NRG3: variants seen among roughly 807,000 people sequenced by gnomAD.
NRG3 encodes pro-neuregulin-3, membrane-bound isoform.
A neutral mutation model predicts 66.9 loss-of-function variants in NRG3; 31 were observed. The observed-to-expected ratio is 0.46, with a 90% confidence interval of 0.35 to 0.63. The LOEUF (loss-of-function observed/expected upper bound fraction) is 0.63. Among genes scored for constraint, NRG3 ranks in the 20% least tolerant of loss-of-function variants. NRG3 has a pLI of 0.00. For synonymous variants in NRG3, 393 were observed against 359.4 expected, an observed-to-expected ratio of 1.09 and a Z score of -1.06; for missense variants, 910 against 878.9, an observed-to-expected ratio of 1.04 and a Z score of -0.45.
At chr10:82,678,696 T>C (rs1385234508) in intron 2 of NRG3, among the ~76,000 whole-genome samples, 2 of 152,084 alleles carry the variant, frequency 1.3e-5, no homozygotes, top group Non-Finnish European at 2.9e-5. Flanking sequence ...CCTCTCCTGC[T>C]TTCCTCACGC....
intron 2 of NRG3, among the ~76,000 whole-genome samples, chr10:82,626,909 C>A (rs1029953291): frequency 6.6e-6 from 1 of 152,020 alleles, no homozygotes; most frequent in African/African-American, 2.4e-5. Flanking sequence ...GTAATATTTT[C>A]CTCCTGCTCA....
chr10:82,186,051 G>A (rs975867387), intron 1 of NRG3, among the ~76,000 whole-genome samples: 1 of 152,116 alleles, frequency 6.6e-6, no homozygotes, highest in African/African-American at 2.4e-5. Flanking sequence ...ATCATTTCAT[G>A]TCTAAGTGTC....
intron 1 of NRG3, among the ~76,000 whole-genome samples, chr10:82,281,124 G>A (rs1220842634): frequency 1.3e-5 from 2 of 152,154 alleles, no homozygotes; most frequent in East Asian, 3.9e-4. Context: ...AAGACTTGGA[G>A]TGACATGCTG....
intron 3 of NRG3, among the ~76,000 whole-genome samples, chr10:82,831,236 A>G (rs2062503867): frequency 6.6e-6 from 1 of 152,162 alleles, no homozygotes; most frequent in Admixed American, 6.5e-5. Flanking sequence ...GGTCTCCCTC[A>G]GCAGCCCTGA....
intron 1 of NRG3, among the ~76,000 whole-genome samples, chr10:81,995,504 G>C (rs554597074): frequency 5.3e-5 from 8 of 152,264 alleles, no homozygotes; most frequent in African/African-American, 1.9e-4. Flanking sequence ...GCTGGCTGTG[G>C]CTGTCTATTC....
At chr10:82,519,760 G>A (rs1415430713) in intron 2 of NRG3, among the ~76,000 whole-genome samples, 1 of 152,178 alleles carries the variant, frequency 6.6e-6, no homozygotes, top group Non-Finnish European at 1.5e-5. Context: ...ATGCTGGAGT[G>A]TCAGGTCCAT....
intron 7 of NRG3, among the ~76,000 whole-genome samples, chr10:82,977,441 TCTA>T (rs1000311583): frequency 2.0e-5 from 3 of 151,944 alleles, no homozygotes; most frequent in Admixed American, 6.6e-5. Context: ...AAACCTCATC[TCTA>T]CTAAAAATAC....
chr10:82,611,446 G>A (rs1227958012), intron 2 of NRG3, among the ~76,000 whole-genome samples: 1 of 151,940 alleles, frequency 6.6e-6, no homozygotes, highest in Non-Finnish European at 1.5e-5. Context: ...AGGCCCTGGT[G>A]TGTGATGTTC....
intron 2 of NRG3, among the ~76,000 whole-genome samples, chr10:82,569,991 TA>T (rs1169485238): frequency 6.6e-6 from 1 of 151,670 alleles, no homozygotes; most frequent in African/African-American, 2.4e-5. Flanking sequence ...TTTTAAGTGT[TA>T]AAATCTAGGT....
At chr10:82,782,880 C>A (rs1468508757) in intron 3 of NRG3, among the ~76,000 whole-genome samples, 1 of 152,132 alleles carries the variant, frequency 6.6e-6, no homozygotes, top group African/African-American at 2.4e-5. Context: ...CATCCTGATA[C>A]CAAAGACGGG....
chr10:82,444,716 A>T (rs2090624204), intron 2 of NRG3, among the ~76,000 whole-genome samples: 2 of 152,170 alleles, frequency 1.3e-5, no homozygotes, highest in African/African-American at 4.8e-5. Context: ...TAGGAACAGA[A>T]AAGTTTTCAT....
chr10:82,248,147 C>T lies in NRG3; in HGVS notation c.824-110592C>T, dbSNP rs376148382. Among the ~76,000 whole-genome samples, 6 of 152,296 alleles carry T rather than the reference C, an allele frequency of 3.9e-5. No individual in the cohort carries two copies. The East Asian group carries it at 7.7e-4, about 20-fold the overall frequency. ...CCCTGCTCTAAAACTACTGACCTAA[C>T]AGGCAGCAGGGAATTCCTTTTATTC... On this transcript the variant is annotated intron_variant, in intron 1 of 8. Transcript: ENST00000372141.
At chr10:82,473,917 T>C (rs781680441) in intron 2 of NRG3, among the ~76,000 whole-genome samples, 11 of 152,044 alleles carry the variant, frequency 7.2e-5, no homozygotes, top group Admixed American at 1.3e-4. Context: ...AGGAATACAA[T>C]TGAACAGCTA....
intron 1 of NRG3, among the ~76,000 whole-genome samples, chr10:82,120,392 A>G (rs1166459148): frequency 6.6e-6 from 1 of 152,148 alleles, no homozygotes; most frequent in Non-Finnish European, 1.5e-5. Context: ...GTAATATTTA[A>G]CCTATATTTT....
At chr10:82,653,932 C>T (rs1249772830) in intron 2 of NRG3, among the ~76,000 whole-genome samples, 5 of 152,134 alleles carry the variant, frequency 3.3e-5, no homozygotes, top group African/African-American at 1.2e-4. Flanking sequence ...CAGGGGGGTG[C>T]AAAGCCAGAG....
intron 1 of NRG3, among the ~76,000 whole-genome samples, chr10:82,136,110 T>A (rs1432673934): frequency 6.6e-6 from 1 of 152,188 alleles, no homozygotes; most frequent in African/African-American, 2.4e-5. Context: ...ACAGAGGTAG[T>A]GCCTTGGTGG....
At chr10:82,316,560 C>T (rs1358950637) in intron 1 of NRG3, among the ~76,000 whole-genome samples, 1 of 152,114 alleles carries the variant, frequency 6.6e-6, no homozygotes. Context: ...GGACCAGAAA[C>T]CTTCTTTAAG....
At chr10:82,898,570 C>T (rs536312982) in intron 4 of NRG3, among the ~76,000 whole-genome samples, 79 of 152,254 alleles carry the variant, frequency 5.2e-4, no homozygotes, top group Non-Finnish European at 9.1e-4. Flanking sequence ...TGATTGCATA[C>T]ACATTTGCAT....
intron 3 of NRG3, among the ~76,000 whole-genome samples, chr10:82,860,309 G>T (rs4933274): frequency 0.27 from 41,532 of 152,018 alleles, 6,207 homozygotes; most frequent in East Asian, 0.52. Context: ...CTTCTACTCT[G>T]CCTGAGGATA....
Sources: gnomAD v4.1 joint callset for allele counts (sites outside exome capture counted in the v4.1 genomes callset) on GRCh38, gnomAD v4.1.1 for gene constraint, MANE v1.5 for transcripts, NCBI Gene and HGNC (gene_info 2026-07-23, HGNC 2026-07-21) for gene names.